Variants in NHS observed in about 807,000 individuals in gnomAD.
NHS encodes NHS actin remodeling regulator, also known as actin remodeling regulator NHS.
Under a neutral mutation model 72.5 loss-of-function variants are expected in NHS, and 5 were observed. The observed-to-expected ratio is 0.07, with a 90% CI of 0.04 to 0.14. The LOEUF (loss-of-function observed/expected upper bound fraction) is 0.14. Ranked by LOEUF, NHS falls within the 10% of genes least tolerant of loss-of-function variation. NHS has a pLI of 1.00. For synonymous variants in NHS, 464 were observed against 547.7 expected (o/e 0.85, Z 2.13); for missense variants, 1,072 against 1,355.7 (o/e 0.79, Z 3.29).
chrX:17,463,712 G>A (rs2064859184), intron 1 of NHS, among the ~76,000 whole-genome samples: 1 of 111,903 alleles, frequency 8.9e-6, no homozygotes, highest in Non-Finnish European at 1.9e-5. Flanking sequence ...TGTTAAAAAG[G>A]CATGTAAATG....
At chrX:17,429,428 T>G (rs1424865695) in intron 1 of NHS, among the ~76,000 whole-genome samples, 1 of 111,697 alleles carries the variant, frequency 9.0e-6, no homozygotes, top group African/African-American at 3.3e-5. Context: ...CAGTAAGACC[T>G]TTGGAGAAAT....
At position 17,627,141 on chromosome X, in the gene NHS, G is replaced by A. The variant is rs188076399; in HGVS notation, c.566-60601G>A. Among the ~76,000 whole-genome samples the A allele has an allele frequency of 2.7e-5, 3 of 112,009 alleles. No homozygotes were observed. The Admixed American group carries it at 2.8e-4, about 11-fold the overall frequency. ...CATCATATCCATTCTCCTAATGTTGGACTCAACAAGAATTCTGCATCTGGG... is the reference window on the plus strand; with the variant it reads ...CATCATATCCATTCTCCTAATGTTGAACTCAACAAGAATTCTGCATCTGGG... On this transcript the variant is annotated intron_variant, in intron 1 of 8. Transcript: ENST00000676302.
At chrX:17,462,500 C>T (rs1256407315) in intron 1 of NHS, among the ~76,000 whole-genome samples, 3 of 111,615 alleles carry the variant, frequency 2.7e-5, no homozygotes, top group Non-Finnish European at 5.6e-5. Context: ...ATGATTAGTA[C>T]GTAGTAACAT....
chrX:17,687,971 C>T, intron 2 of NHS, 77 bp downstream of exon 2: 1 of 1,053,452 alleles, frequency 9.5e-7, no homozygotes, highest in Non-Finnish European at 1.3e-6. Flanking sequence ...TCTGTCCCAT[C>T]AGCCCCAACA....
intron 3 of NHS, among the ~76,000 whole-genome samples, chrX:17,709,270 T>G (rs1264766476): frequency 2.7e-5 from 3 of 111,635 alleles, no homozygotes; most frequent in Non-Finnish European, 5.6e-5. Context: ...AATAAATTCT[T>G]TTCCCCTCTA....
intron 1 of NHS, among the ~76,000 whole-genome samples, chrX:17,389,555 G>A (rs1601684602): frequency 9.1e-6 from 1 of 109,721 alleles, no homozygotes; most frequent in East Asian, 2.8e-4. Flanking sequence ...GAGGTGCCAG[G>A]GGTAACTTAG....
At chrX:17,650,716 T>G (rs1415101491) in intron 1 of NHS, among the ~76,000 whole-genome samples, 1 of 112,515 alleles carries the variant, frequency 8.9e-6, no homozygotes, top group Non-Finnish European at 1.9e-5. Flanking sequence ...CTATTTAGCC[T>G]TGTAGAGTCA....
At chrX:17,404,798 A>G (rs1372254550) in intron 1 of NHS, among the ~76,000 whole-genome samples, 2 of 98,363 alleles carry the variant, frequency 2.0e-5, no homozygotes, top group African/African-American at 8.3e-5. Flanking sequence ...TGCCCGTAAC[A>G]CTCTGTCTCT....
At chrX:17,376,422 G>C (rs2064347922) in intron 1 of NHS, 100 bp downstream of exon 1, 2 of 780,542 alleles carry the variant, frequency 2.6e-6, no homozygotes, top group Non-Finnish European at 3.7e-6. Flanking sequence ...GCGCCGCTCC[G>C]GTTGCAGCTT....
At chrX:17,561,568 G>GCACACACA (rs1415127425) in intron 1 of NHS, among the ~76,000 whole-genome samples, 36 of 65,604 alleles carry the variant, frequency 5.5e-4, no homozygotes, top group African/African-American at 2.4e-3. Flanking sequence ...GCGCGCGCGC[G>GCACACACA]CGCGCGCACA....
At chrX:17,536,006 C>G (rs1027046397) in intron 1 of NHS, among the ~76,000 whole-genome samples, 5 of 112,209 alleles carry the variant, frequency 4.5e-5, no homozygotes, top group Non-Finnish European at 9.4e-5. Context: ...GCCAAGTTCC[C>G]CCTTCATTCA....
chrX:17,607,919 C>CTTTTTT (rs749347077), intron 1 of NHS, among the ~76,000 whole-genome samples: 4 of 92,226 alleles, frequency 4.3e-5, no homozygotes, highest in Non-Finnish European at 6.4e-5. Context: ...CTTTTCTTTT[C>CTTTTTT]TTTTTTTTTT....
At chrX:17,551,724 G>A (rs191564081) in intron 1 of NHS, among the ~76,000 whole-genome samples, 375 of 111,231 alleles carry the variant, frequency 3.4e-3, no homozygotes, top group Non-Finnish European at 5.0e-3. Flanking sequence ...GCCTCTCAGC[G>A]TGCTTCCCTG....
At chrX:17,466,133 C>T (rs1375704776) in intron 1 of NHS, among the ~76,000 whole-genome samples, 5 of 113,182 alleles carry the variant, frequency 4.4e-5, no homozygotes, top group Non-Finnish European at 9.4e-5. Context: ...TAAAGTTTTG[C>T]CCTCCTGCCC....
rs955234612 is a variant in NHS, at chrX:17,720,201, G to A, written c.915+795G>A. Among the ~76,000 whole-genome samples, 43 of 110,858 alleles carry A rather than the reference G, an allele frequency of 3.9e-4. No homozygotes were observed. In the Admixed American group the frequency reaches 4.0e-3, roughly 10 times the overall value. On this transcript the variant is annotated intron_variant, in intron 4 of 8. Transcript: ENST00000676302. ...CATATCCTGTTGGGTGTGTTGGGGG[G>A]ATTTGCAGAAACCTCTGACAAGGTA...
At chrX:17,464,968 T>A (rs1295644015) in intron 1 of NHS, among the ~76,000 whole-genome samples, 1 of 112,294 alleles carries the variant, frequency 8.9e-6, no homozygotes, top group Non-Finnish European at 1.9e-5. Context: ...TCTGATGCTC[T>A]AGCTGGCAAT....
rs2064767988 is a variant in NHS, at chrX:17,443,967, T to TATAGAAGTAAGGGAGCCC, written c.565+67646_565+67663dup. On this transcript the variant is annotated intron_variant, in intron 1 of 8. Coordinates refer to ENST00000676302, the MANE Select transcript of NHS (RefSeq NM_001291867.2). ...TAATATCTTGTCAAATAAGGGAGTG[T>TATAGAAGTAAGGGAGCCC]ATAGAAGTAAGGGAGCCCTTACTTC... Among the ~76,000 whole-genome samples, 4 of 111,430 alleles carry TATAGAAGTAAGGGAGCCC rather than the reference T, an allele frequency of 3.6e-5. No individual in the cohort carries two copies. In the South Asian group the frequency reaches 1.6e-3, roughly 43 times the overall value.
chrX:17,563,420 G>A (rs749154929), intron 1 of NHS, among the ~76,000 whole-genome samples: 96 of 112,675 alleles, frequency 8.5e-4, no homozygotes, highest in Non-Finnish European at 4.5e-4. Context: ...CACCAATAAT[G>A]TGGAGGCCAA....
intron 1 of NHS, among the ~76,000 whole-genome samples, chrX:17,622,086 A>G (rs1273359733): frequency 9.0e-6 from 1 of 111,578 alleles, no homozygotes; most frequent in Non-Finnish European, 1.9e-5. Context: ...CTTCAATTAA[A>G]AACATACACA....
Sources: gnomAD v4.1 joint callset for allele counts (sites outside exome capture counted in the v4.1 genomes callset) on GRCh38, gnomAD v4.1.1 for gene constraint, MANE v1.5 for transcripts, NCBI Gene and HGNC (gene_info 2026-07-23, HGNC 2026-07-21) for gene names.